LDLRAD4: variants seen among roughly 807,000 people sequenced by gnomAD.
The protein encoded by LDLRAD4 is low-density lipoprotein receptor class A domain-containing protein 4.
In LDLRAD4, 5 loss-of-function variants were observed where a neutral mutation model predicts 17.0. The observed-to-expected ratio is 0.29, with a 90% confidence interval of 0.15 to 0.62. LDLRAD4 has a LOEUF of 0.62. Among genes scored for constraint, LDLRAD4 ranks in the 20% least tolerant of loss-of-function variants. The probability of loss-of-function intolerance (pLI) is 0.84; values close to 1 mark genes in which losing one functional copy is unlikely to be tolerated. For missense variants in LDLRAD4, 340 were observed against 424.7 expected (o/e 0.80, Z 1.75); for synonymous variants, 168 against 171.8 (o/e 0.98, Z 0.17).
rs1020948047 is a variant in LDLRAD4, at chr18:13,382,142, G to A, written c.-382-5199G>A. On this transcript the variant is annotated intron_variant, in intron 1 of 5. Coordinates refer to ENST00000359446, the Ensembl canonical transcript of LDLRAD4. ...AGGAAATAAAAAATGAAACTGCAGC[G>A]TCAATTCTTTATGCACTACGGTTTT... 2.8e-4 allele frequency among the ~76,000 whole-genome samples: 42 copies of A among 152,194 alleles called. 1 individual carries two copies. Among genetic ancestry groups the A allele is most frequent in the Non-Finnish European group, 8.8e-5 (6 of 68,040 alleles).
chr18:13,416,244 C>T (rs527760989), intron 2 of LDLRAD4, among the ~76,000 whole-genome samples: 1 of 152,296 alleles, frequency 6.6e-6, no homozygotes, highest in Admixed American at 6.5e-5. Context: ...GCTTTAAATG[C>T]GAATGCCCAC....
chr18:13,642,205 T>C lies in LDLRAD4; in HGVS notation c.337-1154T>C, dbSNP rs1393349255. 5 of 985,542 alleles carry C rather than the reference T, an allele frequency of 5.1e-6. No individual in the cohort carries two copies. In the African/African-American group the frequency reaches 7.0e-5, roughly 14 times the overall value. The allele number at this position is 985,542 out of a possible 1,614,324, so 61.0% of individuals were successfully genotyped here. ...CGTGTTGGACAAACGCGGGGCTCGGTGTTTCTTCCGCGCCGTCCCTCGCTG... is the reference window on the plus strand; with the variant it reads ...CGTGTTGGACAAACGCGGGGCTCGGCGTTTCTTCCGCGCCGTCCCTCGCTG... On this transcript the variant is annotated intron_variant, in intron 4 of 5. Coordinates refer to ENST00000359446, the Ensembl canonical transcript of LDLRAD4.
intron 3 of LDLRAD4, among the ~76,000 whole-genome samples, chr18:13,455,391 G>A (rs77116728): frequency 0.035 from 5,325 of 152,282 alleles, 265 homozygotes; most frequent in East Asian, 0.17. Flanking sequence ...TGTCTCAAGT[G>A]GGATGTGGTG....
At chr18:13,545,308 C>T (rs909248286) in intron 3 of LDLRAD4, among the ~76,000 whole-genome samples, 1 of 152,186 alleles carries the variant, frequency 6.6e-6, no homozygotes. Context: ...CTGGAGAACT[C>T]TAGGGAAGCA....
intron 1 of LDLRAD4, among the ~76,000 whole-genome samples, chr18:13,252,980 C>T (rs1437650551): frequency 6.6e-6 from 1 of 152,212 alleles, no homozygotes; most frequent in Non-Finnish European, 1.5e-5. Context: ...TGGCATGAGA[C>T]AGGTGAGTGC....
chr18:13,639,824 T>A (rs2042372517), intron 4 of LDLRAD4, among the ~76,000 whole-genome samples: 1 of 152,232 alleles, frequency 6.6e-6, no homozygotes, highest in Non-Finnish European at 1.5e-5. Context: ...GTAGTCATAA[T>A]TTTTGTTATA....
At chr18:13,464,294 A>G (rs2092543542) in intron 3 of LDLRAD4, among the ~76,000 whole-genome samples, 2 of 152,200 alleles carry the variant, frequency 1.3e-5, no homozygotes, top group South Asian at 4.1e-4. Context: ...CTCAGCAGAG[A>G]AGTATTTGGG....
chr18:13,406,241 A>G (rs2087734094), intron 2 of LDLRAD4, among the ~76,000 whole-genome samples: 1 of 152,114 alleles, frequency 6.6e-6, no homozygotes. Context: ...GCAGCCCCCA[A>G]GTGACCTTGG....
intron 1 of LDLRAD4, among the ~76,000 whole-genome samples, chr18:13,262,166 G>GAAA (rs2043878235): frequency 9.6e-6 from 1 of 104,154 alleles, no homozygotes; most frequent in Non-Finnish European, 2.0e-5. Flanking sequence ...GTGCGTGGGG[G>GAAA]CTGAGTCCCG....
intron 3 of LDLRAD4, among the ~76,000 whole-genome samples, chr18:13,592,696 C>A (rs909341055): frequency 7.9e-5 from 12 of 152,138 alleles, no homozygotes; most frequent in African/African-American, 2.7e-4. Flanking sequence ...GAGGGATAAT[C>A]AATGTTGTGC....
chr18:13,549,130 G>A (rs891239740), intron 3 of LDLRAD4, among the ~76,000 whole-genome samples: 1 of 152,160 alleles, frequency 6.6e-6, no homozygotes, highest in African/African-American at 2.4e-5. Context: ...GGGGTGGGCT[G>A]GTTGAGATGG....
At chr18:13,430,105 G>A (rs1274444058) in intron 2 of LDLRAD4, among the ~76,000 whole-genome samples, 1 of 152,056 alleles carries the variant, frequency 6.6e-6, no homozygotes, top group Non-Finnish European at 1.5e-5. Context: ...GAGCCTCCCG[G>A]CCCAGCCTTC....
At chr18:13,397,944 C>G (rs533576439) in intron 2 of LDLRAD4, among the ~76,000 whole-genome samples, 1 of 152,242 alleles carries the variant, frequency 6.6e-6, no homozygotes, top group Non-Finnish European at 1.5e-5. Flanking sequence ...TTGTCTGCCA[C>G]GGCAGGTGCT....
Position 13,626,783 on chromosome 18 carries a change from C to T in LDLRAD4, c.336+5512C>T, listed in dbSNP as rs958218832. 2.6e-5 allele frequency among the ~76,000 whole-genome samples: 4 copies of T among 152,192 alleles called. No individual in the cohort carries two copies. In the South Asian group the frequency reaches 6.2e-4, roughly 24 times the overall value. ...ACACTGGGAGGGGCCCTGGCTGTTG[C>T]GGAGGAGGACAAGCACTTGGTGGCT... is the stretch of plus-strand genomic sequence containing the variant. On this transcript the variant is annotated intron_variant, in intron 4 of 5. Coordinates refer to ENST00000359446, the Ensembl canonical transcript of LDLRAD4.
intron 1 of LDLRAD4, among the ~76,000 whole-genome samples, chr18:13,322,067 A>G (rs887049617): frequency 3.3e-5 from 5 of 151,554 alleles, no homozygotes; most frequent in African/African-American, 1.2e-4. Flanking sequence ...TTCACAGCAT[A>G]GAAAACTTTA....
chr18:13,437,213 A>G (rs1457380549), intron 2 of LDLRAD4, among the ~76,000 whole-genome samples: 1 of 152,190 alleles, frequency 6.6e-6, no homozygotes, highest in East Asian at 1.9e-4. Context: ...AAGGCCTGGA[A>G]AAAGGAAGAG....
At chr18:13,290,867 A>T (rs1457747047) in intron 1 of LDLRAD4, among the ~76,000 whole-genome samples, 2 of 152,246 alleles carry the variant, frequency 1.3e-5, no homozygotes, top group Non-Finnish European at 2.9e-5. Flanking sequence ...TGCAGTCTAC[A>T]TAAGGACCAC....
chr18:13,493,879 C>T (rs930766926), intron 3 of LDLRAD4, among the ~76,000 whole-genome samples: 1 of 152,246 alleles, frequency 6.6e-6, no homozygotes, highest in Non-Finnish European at 1.5e-5. Flanking sequence ...CCCGTGGGCC[C>T]TCTGCTTCCT....
At chr18:13,474,250 A>G (rs1455497273) in intron 3 of LDLRAD4, among the ~76,000 whole-genome samples, 1 of 152,134 alleles carries the variant, frequency 6.6e-6, no homozygotes, top group Non-Finnish European at 1.5e-5. Context: ...ACCCAGTTTC[A>G]GGTATTTTTG....
Sources: gnomAD v4.1 joint callset for allele counts (sites outside exome capture counted in the v4.1 genomes callset) on GRCh38, gnomAD v4.1.1 for gene constraint, MANE v1.5 for transcripts, NCBI Gene and HGNC (gene_info 2026-07-23, HGNC 2026-07-21) for gene names.